Variants in EMC1 observed in about 807,000 individuals in gnomAD.
The protein encoded by EMC1 is KIAA0090.
EMC1 carries 103 observed loss-of-function variants against 128.8 expected under a neutral mutation model. That is an observed-to-expected ratio of 0.80 (90% CI 0.68 to 0.94). EMC1 has a LOEUF of 0.94. Among genes scored for constraint, EMC1 ranks in the 40% least tolerant of loss-of-function variants. EMC1 has a pLI of 0.00. For synonymous variants in EMC1, 442 were observed against 490.4 expected (o/e 0.90, Z 1.30); for missense variants, 1,083 against 1,250.6 (o/e 0.87, Z 2.02).
chr1:19,219,427 A>G lies in EMC1; in HGVS notation c.2858T>C (p.Phe953Ser), dbSNP rs1267383375. 8 of 1,614,034 alleles carry G rather than the reference A, an allele frequency of 5.0e-6. No homozygotes were observed. Among genetic ancestry groups the G allele is most frequent in the East Asian group, 2.2e-5 (1 of 44,854 alleles). Reference sequence around the variant, plus strand: ...GTCATAGTCATCCTTCAGAACGTCAAACTGCTTGGATGGGTAGACTCGAGT... The same window carrying G: ...GTCATAGTCATCCTTCAGAACGTCAGACTGCTTGGATGGGTAGACTCGAGT... ...YQTRVYPSKQ[F>S]DVLKDDYDYV... is the part of the protein sequence containing the mutation. The change falls in exon 23 of 23, where the codon TTT (phenylalanine) becomes TCT (serine). Residue 953 changes from phenylalanine (F) to serine (S), a missense_variant. Physicochemically the swap from Phe to Ser is radical, Grantham distance 155 (BLOSUM62 -2). This residue lies in a region of EMC1 where 527 missense variants were observed against 644.1 expected (regional missense o/e 0.82). Transcript: ENST00000477853.
chr1:19,249,215 A>G (rs1459217400), intron 1 of EMC1, among the ~76,000 whole-genome samples: 2 of 152,254 alleles, frequency 1.3e-5, no homozygotes, highest in South Asian at 2.1e-4. Context: ...CAGTATTTAT[A>G]AAGTCCACAG....
chr1:19,229,978 G>T (rs2093507478), intron 17 of EMC1, among the ~76,000 whole-genome samples: 2 of 152,218 alleles, frequency 1.3e-5, no homozygotes. Flanking sequence ...AGAGCTGTTT[G>T]TGAGTACACA....
chr1:19,230,799 C>G, intron 17 of EMC1, 45 bp downstream of exon 17: 2 of 1,611,496 alleles, frequency 1.2e-6, no homozygotes, highest in African/African-American at 2.7e-5. Flanking sequence ...CAGGAAACAC[C>G]TGCATCTCAT....
chr1:19,230,210 T>C (rs1374396013), intron 17 of EMC1, among the ~76,000 whole-genome samples: 4 of 151,986 alleles, frequency 2.6e-5, no homozygotes, highest in Non-Finnish European at 5.9e-5. Flanking sequence ...TACAACTTAT[T>C]ACTCAACCCA....
At chr1:19,219,911 G>A (rs2093418677) in intron 21 of EMC1, 1 of 554,130 alleles carries the variant, frequency 1.8e-6, no homozygotes, top group Non-Finnish European at 3.2e-6. Flanking sequence ...CTGAGATCTA[G>A]ATTCCTACTT....
chr1:19,232,539 T>C (rs2093531823), intron 15 of EMC1, 85 bp downstream of exon 15: 1 of 1,488,934 alleles, frequency 6.7e-7, no homozygotes, highest in Non-Finnish European at 9.3e-7. Context: ...ACTCACACAA[T>C]TCCAAGGGCC....
Position 19,240,336 on chromosome 1 carries a change from A to G in EMC1, c.747T>C (p.Ala249=). 6.2e-7 allele frequency: 1 copy of G among 1,614,184 alleles called. No homozygotes were observed. ...DPSSRSLQTL[A]LETEWELRQI... is the part of the protein sequence containing the mutation. ...GTCTCAACTCCCATTCCGTCTCCAG[A>G]GCCAAAGTTTGGAGGGAACGTGAGC... Residue 249 remains alanine, a synonymous_variant, in exon 7 of 23, where the codon GCT becomes GCC. Transcript: ENST00000477853.
intron 2 of EMC1, among the ~76,000 whole-genome samples, chr1:19,244,234 CCATCAAA>C (rs1163074833): frequency 6.6e-6 from 1 of 152,056 alleles, no homozygotes; most frequent in Non-Finnish European, 1.5e-5. Context: ...CACTACCACC[CCATCAAA>C]CATATAAACA....
Position 19,220,855 on chromosome 1 carries a change from A to G in EMC1, c.2588-7T>C, listed in dbSNP as rs2093426043. On this transcript the variant is annotated splice_region_variant and splice_polypyrimidine_tract_variant and intron_variant, in intron 20 of 22. Coordinates refer to ENST00000477853, the MANE Select transcript of EMC1 (RefSeq NM_015047.3). The stretch of plus-strand genomic sequence containing the variant: ...GCTCCAGAAGGTAGTCCAACTACAC[A>G]GGAGGAAGTGAATGTTCACACCGAT... The G allele has an allele frequency of 6.2e-7, 1 of 1,607,062 alleles. No homozygotes were observed. Among genetic ancestry groups the G allele is most frequent in the Non-Finnish European group, 8.5e-7 (1 of 1,174,382 alleles).
chr1:19,244,712 C>T, intron 2 of EMC1, 194 bp downstream of exon 2: 1 of 535,372 alleles, frequency 1.9e-6, no homozygotes, highest in Non-Finnish European at 3.3e-6. Context: ...AGAGAACAAA[C>T]CGCAAAGGTC....
At chr1:19,234,213 C>T in intron 13 of EMC1, 1 of 984,170 alleles carries the variant, frequency 1.0e-6, no homozygotes, top group Non-Finnish European at 1.2e-6. Context: ...CAGAAATAAA[C>T]AGTAAAGTCA....
intron 17 of EMC1, 96 bp downstream of exon 17, chr1:19,230,748 C>T (rs2093514824): frequency 3.5e-6 from 5 of 1,447,794 alleles, no homozygotes; most frequent in Non-Finnish European, 4.7e-6. Flanking sequence ...TCTAAGTTTA[C>T]AGTAGAATGA....
In EMC1 at chr1:19,238,137, G is replaced by A; in HGVS notation, c.1092C>T (p.Asp364=). 2 of 1,613,614 alleles carry A rather than the reference G, an allele frequency of 1.2e-6. No individual in the cohort carries two copies. The highest frequency in any genetic ancestry group is 2.2e-5 in the South Asian group (2 of 91,026). ...GSFSEKSSSK[D]SLACFNQTYT... is the part of the protein sequence containing the mutation. ...AGGTCTGATTGAAGCAAGCCAGAGA[G>A]TCCTAGGAGTACAGACAGCACGTGT... The change falls in exon 11 of 23, where the codon GAC becomes GAT. Residue 364 remains aspartate (D), a splice_region_variant and synonymous_variant. Coordinates refer to ENST00000477853, the MANE Select transcript of EMC1 (RefSeq NM_015047.3).
chr1:19,235,182 G>T lies in EMC1; in HGVS notation c.1380C>A (p.Leu460=). The T allele has an allele frequency of 6.2e-7, 1 of 1,614,062 alleles. No homozygotes were observed. Among genetic ancestry groups the T allele is most frequent in the Non-Finnish European group, 8.5e-7 (1 of 1,179,978 alleles). The part of the protein sequence containing the change: ...AEVVCLEMVD[L]PLTGAQAELE... ...GCTCGGCCTGTGCCCCAGTCAGGGG[G>T]AGGTCCACCATCTCTAGGCACACCA... is the stretch of plus-strand genomic sequence containing the variant. Residue 460 remains leucine, a synonymous_variant, in exon 13 of 23, where the codon CTC becomes CTA. Transcript: ENST00000477853.
At position 19,231,411 on chromosome 1, in the gene EMC1, C is replaced by A. The variant is rs1034682764; in HGVS notation, c.1794G>T (p.Met598Ile). The A allele has an allele frequency of 1.9e-6, 3 of 1,611,888 alleles. No homozygotes were observed. In the African/African-American group the frequency reaches 4.0e-5, roughly 22 times the overall value. ...TLLVKDKESG[M>I]SSLYVFNPIF... The stretch of plus-strand genomic sequence containing the variant: ...TGGGATTGAAGACATACAGAGAACT[C>A]ATTCCCGACTCCTAAAATGAGCAAA... Residue 598 changes from methionine to isoleucine, a missense_variant, in exon 16 of 23, where the codon ATG (methionine) becomes ATT (isoleucine). Physicochemically the swap from Met to Ile is conservative, Grantham distance 10 (BLOSUM62 1). This residue lies in a region of EMC1 where 527 missense variants were observed against 644.1 expected (regional missense o/e 0.82). Transcript: ENST00000477853.
intron 9 of EMC1, 22 bp downstream of exon 9, chr1:19,239,209 G>A (rs1395108093): frequency 6.2e-7 from 1 of 1,606,210 alleles, no homozygotes; most frequent in South Asian, 1.1e-5. Flanking sequence ...CCCAAGTGCT[G>A]ACTGTTGTTC....
Position 19,241,027 on chromosome 1 carries a change from T to C in EMC1, c.625A>G (p.Ile209Val), listed in dbSNP as rs776372701. 2 of 1,614,108 alleles carry C rather than the reference T, an allele frequency of 1.2e-6. No homozygotes were observed. Among genetic ancestry groups the C allele is most frequent in the South Asian group, 1.1e-5 (1 of 91,076 alleles). The change falls in exon 6 of 23, where the codon ATT (isoleucine) becomes GTT (valine). Residue 209 changes from isoleucine (I) to valine (V), a missense_variant. Coordinates refer to ENST00000477853, the MANE Select transcript of EMC1 (RefSeq NM_015047.3). Reference protein sequence around the residue: ...IVKFNVEDGEIVQQVRVSTPW... With the variant: ...IVKFNVEDGEVVQQVRVSTPW... ...TCACCCTCCTGTACCTGCTGAACAA[T>C]CTCTCCATCTTCCACATTAAACTTG...
At chr1:19,235,354 G>A (rs2093554712) in intron 12 of EMC1, 102 bp from the exon 13 acceptor site, 3 of 1,285,140 alleles carry the variant, frequency 2.3e-6, no homozygotes, top group South Asian at 1.5e-5. Flanking sequence ...AATCTCTTGA[G>A]CCCAGGAATT....
At chr1:19,219,526 G>A (rs1210998555) in intron 22 of EMC1, 43 bp downstream of exon 22, 2 of 1,613,884 alleles carry the variant, frequency 1.2e-6, no homozygotes, top group Admixed American at 3.3e-5. Context: ...AACAACCAAT[G>A]ATCCACCAAG....
Sources: allele counts gnomAD v4.1 joint callset (sites outside exome capture counted in the v4.1 genomes callset), GRCh38; gene constraint gnomAD v4.1.1; regional missense constraint gnomAD v4.1.1; transcripts MANE v1.5; gene names NCBI Gene and HGNC (gene_info 2026-07-23, HGNC 2026-07-21).